The following CADM2 variants were observed in gnomAD, a reference collection of about 807,000 sequenced individuals.
CADM2 encodes the protein cell adhesion molecule 2.
CADM2 carries 12 observed loss-of-function variants against 49.8 expected under a neutral mutation model. The observed-to-expected ratio is 0.24, with a 90% CI of 0.15 to 0.39. The LOEUF is 0.39. CADM2 is among the 10% of genes least tolerant of loss of function. CADM2 has a pLI of 1.00. For missense variants in CADM2, 378 were observed against 492.3 expected (o/e 0.77, Z 2.20); for synonymous variants, 214 against 175.4 (o/e 1.22, Z -1.74).
chr3:86,011,895 A>G (rs919423271), intron 8 of CADM2, among the ~76,000 whole-genome samples: 2 of 152,146 alleles, frequency 1.3e-5, no homozygotes, highest in African/African-American at 4.8e-5. Context: ...AAAACCTTAG[A>G]GAGAAATAAT....
chr3:85,031,678 C>A (rs1354083488), intron 1 of CADM2, among the ~76,000 whole-genome samples: 3 of 152,068 alleles, frequency 2.0e-5, no homozygotes, highest in Admixed American at 6.5e-5. Flanking sequence ...CCACGCCCGG[C>A]TAATTTTTTG....
At chr3:85,129,014 C>G (rs139286989) in intron 1 of CADM2, among the ~76,000 whole-genome samples, 11 of 152,184 alleles carry the variant, frequency 7.2e-5, no homozygotes, top group Non-Finnish European at 1.2e-4. Flanking sequence ...TAGTCCAAAT[C>G]ATGTTTTCTT....
chr3:86,012,415 T>C, intron 8 of CADM2: 1 of 403,792 alleles, frequency 2.5e-6, no homozygotes, highest in Non-Finnish European at 4.4e-6. Context: ...ACAATAAAGT[T>C]GGGCTTCTCG....
chr3:85,793,378 AG>A (rs1158838715), intron 2 of CADM2, among the ~76,000 whole-genome samples: 3 of 152,184 alleles, frequency 2.0e-5, no homozygotes, highest in Non-Finnish European at 4.4e-5. Flanking sequence ...CACAGAGTAG[AG>A]GAAAAAAGGG....
intron 1 of CADM2, among the ~76,000 whole-genome samples, chr3:85,387,954 A>G (rs749318261): frequency 6.6e-6 from 1 of 152,182 alleles, no homozygotes; most frequent in South Asian, 2.1e-4. Flanking sequence ...TTTTTAAGTT[A>G]GATTATCTGC....
At chr3:85,549,876 C>T (rs370962334) in intron 1 of CADM2, among the ~76,000 whole-genome samples, 168 of 150,950 alleles carry the variant, frequency 1.1e-3, no homozygotes, top group African/African-American at 3.9e-3. Flanking sequence ...GAGTGATTTG[C>T]CCGCCTCGGC....
chr3:85,724,144 A>G (rs2067603815), intron 1 of CADM2, among the ~76,000 whole-genome samples: 1 of 152,044 alleles, frequency 6.6e-6, no homozygotes, highest in Non-Finnish European at 1.5e-5. Context: ...GTAAAGTTAA[A>G]TAAACCAATT....
intron 7 of CADM2, among the ~76,000 whole-genome samples, chr3:85,951,483 A>G (rs1023171052): frequency 1.3e-5 from 2 of 151,040 alleles, no homozygotes; most frequent in Non-Finnish European, 3.0e-5. Context: ...CACAAATCCA[A>G]TTTAACAAAT....
At chr3:85,277,063 G>T (rs1432419169) in intron 1 of CADM2, among the ~76,000 whole-genome samples, 1 of 151,350 alleles carries the variant, frequency 6.6e-6, no homozygotes, top group Non-Finnish European at 1.5e-5. Context: ...AAAGAAAAAT[G>T]ATAGAACATT....
intron 1 of CADM2, among the ~76,000 whole-genome samples, chr3:84,987,098 C>A (rs910340948): frequency 3.9e-5 from 6 of 151,980 alleles, no homozygotes; most frequent in African/African-American, 1.4e-4. Context: ...ACACTAACTG[C>A]ATTTGCAGTC....
At chr3:85,172,225 C>A (rs1326312779) in intron 1 of CADM2, among the ~76,000 whole-genome samples, 1 of 152,136 alleles carries the variant, frequency 6.6e-6, no homozygotes, top group Non-Finnish European at 1.5e-5. Flanking sequence ...TTCTTGGAAC[C>A]ACCTGATACT....
chr3:85,924,062 C>T (rs1719502737), intron 6 of CADM2, among the ~76,000 whole-genome samples: 1 of 152,102 alleles, frequency 6.6e-6, no homozygotes, highest in African/African-American at 2.4e-5. Context: ...ATAAAAGAAA[C>T]ATAGTGTCAC....
At chr3:85,327,689 A>G (rs1440118091) in intron 1 of CADM2, among the ~76,000 whole-genome samples, 2 of 152,070 alleles carry the variant, frequency 1.3e-5, no homozygotes, top group Non-Finnish European at 2.9e-5. Flanking sequence ...GCCAATCACT[A>G]GGTATTTTAT....
At chr3:85,023,014 GT>G (rs2034573070) in intron 1 of CADM2, among the ~76,000 whole-genome samples, 1 of 151,824 alleles carries the variant, frequency 6.6e-6, no homozygotes, top group Non-Finnish European at 1.5e-5. Flanking sequence ...GAGCATTTTA[GT>G]CTAAATAAAA....
intron 2 of CADM2, among the ~76,000 whole-genome samples, chr3:85,777,962 G>A (rs2070441088): frequency 1.3e-5 from 2 of 152,080 alleles, no homozygotes; most frequent in East Asian, 3.9e-4. Context: ...GCATACGTAG[G>A]TGTTATATTG....
At chr3:85,554,784 C>T (rs1047865840) in intron 1 of CADM2, among the ~76,000 whole-genome samples, 2 of 136,514 alleles carry the variant, frequency 1.5e-5, no homozygotes, top group African/African-American at 5.0e-5. Flanking sequence ...ACCTCAAACT[C>T]CTGAGCTCAG....
chr3:85,243,677 A>C (rs56773060), intron 1 of CADM2, among the ~76,000 whole-genome samples: 10,327 of 152,014 alleles, frequency 0.068, 1,156 homozygotes, highest in African/African-American at 0.23. Flanking sequence ...ACTAATGTCC[A>C]CTCAAACCAA....
chr3:85,759,464 A>G (rs1232500558), intron 2 of CADM2, among the ~76,000 whole-genome samples: 1 of 151,992 alleles, frequency 6.6e-6, no homozygotes, highest in Non-Finnish European at 1.5e-5. Flanking sequence ...AATAAAGATC[A>G]CTCCTACCTG....
At chr3:85,909,083 A>T (rs1409553064) in intron 5 of CADM2, among the ~76,000 whole-genome samples, 1 of 152,182 alleles carries the variant, frequency 6.6e-6, no homozygotes, top group East Asian at 1.9e-4. Flanking sequence ...TCTTAACTGT[A>T]AAATTTTTAC....
Sources: gnomAD v4.1 joint callset for allele counts (sites outside exome capture counted in the v4.1 genomes callset) on GRCh38, gnomAD v4.1.1 for gene constraint, MANE v1.5 for transcripts, NCBI Gene and HGNC (gene_info 2026-07-23, HGNC 2026-07-21) for gene names.